Variants in TSPYL2 observed in about 807,000 individuals in gnomAD.
TSPYL2 encodes the protein testis-specific Y-encoded-like protein 2.
A neutral mutation model predicts 33.0 loss-of-function variants in TSPYL2; 9 were observed. The observed-to-expected ratio is 0.27, with a 90% CI of 0.16 to 0.48. The LOEUF is 0.48. Ranked by LOEUF, TSPYL2 falls within the 20% of genes least tolerant of loss-of-function variation. The probability of loss-of-function intolerance (pLI) is 0.99; values close to 1 mark genes in which losing one functional copy is unlikely to be tolerated. For missense variants in TSPYL2, 636 were observed against 586.2 expected (o/e 1.08, Z -0.88); for synonymous variants, 330 against 233.6 (o/e 1.41, Z -3.77).
In TSPYL2 at chrX:53,085,132, C is replaced by T. The variant is rs1556808094; in HGVS notation, c.1143+33C>T. ...CCTTCCTGGCATCACCAGAGAAGGC[C>T]TTGCTAGGCTTGTTCCTGGGTGCGT... On this transcript the variant is annotated intron_variant, in intron 4 of 6. Coordinates refer to ENST00000375442, the MANE Select transcript of TSPYL2 (RefSeq NM_022117.4). The T allele has an allele frequency of 7.5e-6, 9 of 1,192,525 alleles. No homozygotes were observed. In the African/African-American group the frequency reaches 1.6e-4, roughly 21 times the overall value.
rs1267565173 is a variant in TSPYL2, at chrX:53,085,648, G to A, written c.1256G>A (p.Cys419Tyr). 1.7e-5 allele frequency: 21 copies of A among 1,210,145 alleles called. No homozygotes were observed. Among genetic ancestry groups the A allele is most frequent in the Non-Finnish European group, 2.2e-5 (20 of 895,303 alleles). ...CCTTACAGTAAAACCAGGGGCAGAT[G>A]TGAGGTGGTGATCATGGAAGACGCC... Reference protein sequence around the residue: ...EMKKRKTRGRCEVVIMEDAPD... With the variant: ...EMKKRKTRGRYEVVIMEDAPD... Residue 419 changes from cysteine (C) to tyrosine (Y), a missense_variant, in exon 6 of 7, where the codon TGT becomes TAT. By Grantham distance (194) the Cys-to-Tyr change is radical (BLOSUM62 -2). This residue lies in a region of TSPYL2 where 401 missense variants were observed against 363.0 expected (regional missense o/e 1.10). Coordinates refer to ENST00000375442, the MANE Select transcript of TSPYL2 (RefSeq NM_022117.4).
At position 53,086,341 on chromosome X, in the gene TSPYL2, C is replaced by T. The variant is rs781975415; in HGVS notation, c.1918+31C>T. On this transcript the variant is annotated intron_variant, in intron 6 of 6. Transcript: ENST00000375442. ...CTAATCCCCCCCCACCCTTGTCTTCCCTCTTTTCTTTTCTCAGAGCAAGCC... is the reference window on the plus strand; with the variant it reads ...CTAATCCCCCCCCACCCTTGTCTTCTCTCTTTTCTTTTCTCAGAGCAAGCC... The T allele has an allele frequency of 2.0e-5, 23 of 1,150,494 alleles. No homozygotes were observed. The South Asian group carries it at 3.6e-4, about 18-fold the overall frequency. 94.8% of individuals were successfully genotyped at this position (1,150,494 alleles called of 1,213,427 possible).
chrX:53,084,715 G>A (rs201039163), intron 2 of TSPYL2, 40 bp from the exon 3 acceptor site: 12 of 1,179,612 alleles, frequency 1.0e-5, no homozygotes, highest in South Asian at 5.4e-5. Context: ...TGGTGTGTTG[G>A]GGGGGGGACA....
In TSPYL2 at chrX:53,084,723, A is replaced by G. The variant is rs781796669; in HGVS notation, c.886-32A>G. 4.3e-6 allele frequency: 5 copies of G among 1,171,853 alleles called. No individual in the cohort carries two copies. In the South Asian group the frequency reaches 5.5e-5, roughly 13 times the overall value. On this transcript the variant is annotated intron_variant, in intron 2 of 6. Transcript: ENST00000375442. Reference sequence around the variant, plus strand: ...AGGGCCGTGGTGTGTTGGGGGGGGGACAGATTCCACCATCACCCCCACCTG... The same window carrying G: ...AGGGCCGTGGTGTGTTGGGGGGGGGGCAGATTCCACCATCACCCCCACCTG...
chrX:53,084,497 C>T, intron 1 of TSPYL2, 48 bp from the exon 2 acceptor site: 1 of 1,066,867 alleles, frequency 9.4e-7, no homozygotes, highest in Non-Finnish European at 1.3e-6. Flanking sequence ...TCCCTCCCTC[C>T]CTTTCACGGA....
In TSPYL2 at chrX:53,083,014, GGAGGATGAGGAT is replaced by G. The variant is rs782085354; in HGVS notation, c.526_537del (p.Asp176_Glu179del). On this transcript the variant is annotated inframe_deletion, in exon 1 of 7. Coordinates refer to ENST00000375442, the MANE Select transcript of TSPYL2 (RefSeq NM_022117.4). Reference sequence around the variant, plus strand: ...GCAAGGAAGAGGCGATCATCATAGTGGAGGATGAGGATGAGGATGAGCGGGAGAGTATGAGGA... The same window carrying G: ...GCAAGGAAGAGGCGATCATCATAGTGGAGGATGAGCGGGAGAGTATGAGGA... 4 of 1,206,996 alleles carry G rather than the reference GGAGGATGAGGAT, an allele frequency of 3.3e-6. No individual in the cohort carries two copies. The highest frequency in any genetic ancestry group is 4.5e-6 in the Non-Finnish European group (4 of 893,762).
chrX:53,083,371 G>T, intron 1 of TSPYL2, 66 bp downstream of exon 1: 1 of 1,003,468 alleles, frequency 1.0e-6, no homozygotes, highest in South Asian at 2.0e-5. Flanking sequence ...GTGGGGGAGG[G>T]ACAGAAAAGG....
In TSPYL2 at chrX:53,084,984, G is replaced by T; in HGVS notation, c.1028G>T (p.Arg343Leu). ...GRLVSHSTPIRWHRGQEPQAR... is the reference protein window; with the variant it reads ...GRLVSHSTPILWHRGQEPQAR... ...CTGGTGTCTCACTCAACCCCAATCC[G>T]CTGGCACCGGGGCCAGGAACCCCAG... The change falls in exon 4 of 7, where the codon CGC (arginine) becomes CTC (leucine). Residue 343 changes from arginine (R) to leucine (L), a missense_variant. By Grantham distance (102) the Arg-to-Leu change is moderately radical (BLOSUM62 -2). This residue lies in a region of TSPYL2 where 401 missense variants were observed against 363.0 expected (regional missense o/e 1.10). Coordinates refer to ENST00000375442, the MANE Select transcript of TSPYL2 (RefSeq NM_022117.4). 1 of 1,210,715 alleles carries T rather than the reference G, an allele frequency of 8.3e-7. No individual in the cohort carries two copies. The highest frequency in any genetic ancestry group is 1.1e-6 in the Non-Finnish European group (1 of 895,042).
intron 6 of TSPYL2, chrX:53,087,073 C>G (rs1206224504): frequency 8.9e-6 from 1 of 112,597 alleles, no homozygotes; most frequent in Non-Finnish European, 1.9e-5. Context: ...GAGAATAACA[C>G]GAGAATTATA....
intron 1 of TSPYL2, 111 bp downstream of exon 1, chrX:53,083,416 A>G (rs1463222056): frequency 2.7e-6 from 2 of 737,324 alleles, no homozygotes; most frequent in Non-Finnish European, 2.0e-6. Flanking sequence ...GGTGGGCATG[A>G]TCCCCCTATC....
At position 53,087,985 on chromosome X, in the gene TSPYL2, T is replaced by C; in HGVS notation, c.*46T>C. ...TCACCTCTCTGTATCCCCCACCCACTATCCCATTTGCCCTCCTCCTCAGCT... is the reference window on the plus strand; with the variant it reads ...TCACCTCTCTGTATCCCCCACCCACCATCCCATTTGCCCTCCTCCTCAGCT... On this transcript the variant is annotated 3_prime_UTR_variant, in exon 7 of 7. Transcript: ENST00000375442. 8.5e-7 allele frequency: 1 copy of C among 1,174,202 alleles called. No individual in the cohort carries two copies. Among genetic ancestry groups the C allele is most frequent in the Non-Finnish European group, 1.2e-6 (1 of 867,466 alleles).
rs1333975790 is a variant in TSPYL2 at position 53,082,472 on chromosome X, C to A, written c.-27C>A. On this transcript the variant is annotated 5_prime_UTR_variant, in exon 1 of 7. Transcript: ENST00000375442. ...TAAAAGCGAAGGGGCGAGTGCGAGT[C>A]CCCTGAGCTGTACGAACGCGGTCGC... The A allele has an allele frequency of 2.6e-6, 3 of 1,136,068 alleles. No individual in the cohort carries two copies. Among genetic ancestry groups the A allele is most frequent in the African/African-American group, 3.7e-5 (2 of 54,238 alleles). 93.6% of individuals were successfully genotyped at this position (1,136,068 alleles called of 1,213,427 possible).
In TSPYL2 at chrX:53,088,064, GGTTTAAA is replaced by G. The variant is rs1166331106; in HGVS notation, c.*131_*137del. 6.6e-6 allele frequency: 4 copies of G among 604,923 alleles called. No homozygotes were observed. Among genetic ancestry groups the G allele is most frequent in the Non-Finnish European group, 1.0e-5 (4 of 390,888 alleles). 49.9% of individuals were successfully genotyped at this position (604,923 alleles called of 1,213,427 possible). On this transcript the variant is annotated 3_prime_UTR_variant, in exon 7 of 7. Transcript: ENST00000375442. ...TGGGGGGTGACCGACTTCGTACACGGGTTTAAAGTTTATTTTTATGGTTTAGTCATTG... is the reference window on the plus strand; with the variant it reads ...TGGGGGGTGACCGACTTCGTACACGGGTTTATTTTTATGGTTTAGTCATTG...
At chrX:53,084,426 C>T (rs1932707741) in intron 1 of TSPYL2, 119 bp from the exon 2 acceptor site, 1 of 609,687 alleles carries the variant, frequency 1.6e-6, no homozygotes, top group Non-Finnish European at 2.6e-6. Flanking sequence ...TTTATACACA[C>T]CACATAAGCA....
intron 4 of TSPYL2, 41 bp from the exon 5 acceptor site, chrX:53,085,186 G>A (rs1556808117): frequency 1.7e-6 from 2 of 1,183,976 alleles, no homozygotes; most frequent in African/African-American, 3.5e-5. Context: ...TCTGGAGCTT[G>A]TACTAATGGC....
In TSPYL2 at chrX:53,087,954, T is replaced by G. The variant is rs1556809224; in HGVS notation, c.*15T>G. 8.3e-7 allele frequency: 1 copy of G among 1,206,686 alleles called. No homozygotes were observed. Among genetic ancestry groups the G allele is most frequent in the Admixed American group, 2.2e-5 (1 of 46,022 alleles). On this transcript the variant is annotated 3_prime_UTR_variant, in exon 7 of 7. Coordinates refer to ENST00000375442, the MANE Select transcript of TSPYL2 (RefSeq NM_022117.4). ...AAACCGGATAAGGGTTTTCCCCTTT[T>G]GGGGATCACCTCTCTGTATCCCCCA...
chrX:53,082,388 C>T lies in TSPYL2; in HGVS notation c.-111C>T, dbSNP rs1932630450. 2 of 730,366 alleles carry T rather than the reference C, an allele frequency of 2.7e-6. No individual in the cohort carries two copies. Among genetic ancestry groups the T allele is most frequent in the Non-Finnish European group, 3.8e-6 (2 of 527,701 alleles). The allele number at this position is 730,366 out of a possible 1,213,427, so 60.2% of individuals were successfully genotyped here. On this transcript the variant is annotated 5_prime_UTR_variant, in exon 1 of 7. Transcript: ENST00000375442. ...CGCCAGAGCGAGGTGGTGAGGAGAG[C>T]TGGTTGCGTGAGTCTCCTCAGCTCT...
rs1556808406 is a variant in TSPYL2, at chrX:53,085,812, G to A, written c.1420G>A (p.Glu474Lys). The change falls in exon 6 of 7, where the codon GAG becomes AAG. Residue 474 changes from glutamate to lysine, a missense_variant. Glu to Lys is a moderately conservative substitution (Grantham distance 56). This residue lies in a region of TSPYL2 where 401 missense variants were observed against 363.0 expected (regional missense o/e 1.10). Coordinates refer to ENST00000375442, the MANE Select transcript of TSPYL2 (RefSeq NM_022117.4). ...TGACAATGAGATAACTGACATCAATGAGAACATCTGCGACAGCGAGAATCC... is the reference window on the plus strand; with the variant it reads ...TGACAATGAGATAACTGACATCAATAAGAACATCTGCGACAGCGAGAATCC... ...TTDNEITDIN[E>K]NICDSENPDH... 1.7e-6 allele frequency: 2 copies of A among 1,211,590 alleles called. No individual in the cohort carries two copies. The highest frequency in any genetic ancestry group is 4.3e-5 in the Admixed American group (2 of 45,998).
rs1556807529 is a variant in TSPYL2, at chrX:53,083,275, C to T, written c.777C>T (p.Ile259=). The change falls in exon 1 of 7, where the codon ATC becomes ATT. Residue 259 remains isoleucine, a synonymous_variant. Coordinates refer to ENST00000375442, the MANE Select transcript of TSPYL2 (RefSeq NM_022117.4). ...TCCTGGAGCGCAGAGACCTCATCAT[C>T]CAGCATATCCCAGGCTTCTGGGTCA... ...RPFLERRDLI[I]QHIPGFWVKA... 3.3e-6 allele frequency: 4 copies of T among 1,207,319 alleles called. No individual in the cohort carries two copies. Among genetic ancestry groups the T allele is most frequent in the African/African-American group, 1.8e-5 (1 of 56,486 alleles).
Sources: allele counts gnomAD v4.1 joint callset, GRCh38; gene constraint gnomAD v4.1.1; regional missense constraint gnomAD v4.1.1; transcripts MANE v1.5; gene names NCBI Gene and HGNC (gene_info 2026-07-23, HGNC 2026-07-21).